Variants in WDR37 observed in about 807,000 individuals in gnomAD.
WDR37 encodes the protein WD repeat-containing protein 37.
Under a neutral mutation model 62.9 loss-of-function variants are expected in WDR37, and 19 were observed. That is an observed-to-expected ratio of 0.30 (90% CI 0.21 to 0.44). The LOEUF is 0.44. Among genes scored for constraint, WDR37 ranks in the 20% least tolerant of loss-of-function variants. The pLI, the probability that WDR37 is intolerant of heterozygous loss-of-function variation, is 1.00. For missense variants in WDR37, 474 were observed against 657.6 expected (o/e 0.72, Z 3.05); for synonymous variants, 250 against 260.9 (o/e 0.96, Z 0.40).
intron 11 of WDR37, among the ~76,000 whole-genome samples, chr10:1,110,453 A>G (rs1310311138): frequency 3.3e-5 from 5 of 152,372 alleles, no homozygotes; most frequent in African/African-American, 1.2e-4. Flanking sequence ...GGTTCGAGCC[A>G]ATACGACAAA....
intron 11 of WDR37, among the ~76,000 whole-genome samples, chr10:1,112,047 A>T (rs1404639785): frequency 6.6e-6 from 1 of 152,112 alleles, no homozygotes; most frequent in Non-Finnish European, 1.5e-5. Context: ...GACTGCAGGC[A>T]CGTGCCTTGG....
chr10:1,057,302 A>C (rs543238189), intron 1 of WDR37, among the ~76,000 whole-genome samples: 78 of 151,168 alleles, frequency 5.2e-4, no homozygotes, highest in Admixed American at 4.6e-3. Flanking sequence ...GTCGGAGTCC[A>C]GGAAGAGTCG....
chr10:1,096,692 G>A (rs1296195273), intron 9 of WDR37: 3 of 168,726 alleles, frequency 1.8e-5, no homozygotes, highest in Admixed American at 1.2e-4. Context: ...TTTCAGTACC[G>A]CGCGCAGAGC....
intron 2 of WDR37, among the ~76,000 whole-genome samples, chr10:1,077,363 T>G (rs1833908772): frequency 6.6e-6 from 1 of 152,338 alleles, no homozygotes; most frequent in African/African-American, 2.4e-5. Flanking sequence ...AATAGACATT[T>G]GGCTCTTTTT....
intron 1 of WDR37, among the ~76,000 whole-genome samples, chr10:1,061,482 A>G (rs72760935): frequency 0.061 from 9,305 of 152,190 alleles, 498 homozygotes; most frequent in African/African-American, 0.15. Context: ...TGTGACAGAC[A>G]GGTTGTAGTC....
intron 2 of WDR37, among the ~76,000 whole-genome samples, chr10:1,076,597 C>T (rs759360389): frequency 8.1e-4 from 121 of 149,836 alleles, no homozygotes; most frequent in African/African-American, 1.6e-3. Flanking sequence ...GAGAATGGCA[C>T]GAACCTGGGA....
At chr10:1,120,914 G>A (rs879561016) in intron 11 of WDR37, among the ~76,000 whole-genome samples, 1 of 152,238 alleles carries the variant, frequency 6.6e-6, no homozygotes, top group Admixed American at 6.5e-5. Context: ...CGGCGTTTCC[G>A]CTGATGGAGA....
At chr10:1,128,800 G>GCCGTGCTCGGCGGT (rs1236373900) in intron 13 of WDR37, among the ~76,000 whole-genome samples, 2 of 152,144 alleles carry the variant, frequency 1.3e-5, no homozygotes, top group Non-Finnish European at 2.9e-5. Flanking sequence ...TGGCGGCTCT[G>GCCGTGCTCGGCGGT]CCGTGCTCGG....
chr10:1,097,495 G>A (rs34034003), intron 9 of WDR37, among the ~76,000 whole-genome samples: 23,837 of 152,212 alleles, frequency 0.16, 2,033 homozygotes, highest in Non-Finnish European at 0.18. Flanking sequence ...AGAATGCCCC[G>A]AAGGTGATTC....
chr10:1,126,279 G>T (rs575612419), intron 13 of WDR37, among the ~76,000 whole-genome samples: 5 of 151,810 alleles, frequency 3.3e-5, no homozygotes, highest in Admixed American at 2.0e-4. Flanking sequence ...GGTGGCGGGC[G>T]TCTGTAGTCC....
In WDR37 at chr10:1,124,114, C is replaced by T. The variant is rs1835668050; in HGVS notation, c.1104-104C>T. On this transcript the variant is annotated intron_variant, in intron 11 of 13. Coordinates refer to ENST00000263150, the MANE Select transcript of WDR37 (RefSeq NM_014023.4). ...CAGAGGAGAGAGCTGTGAGTTTGCG[C>T]TTCTCCGACCTCCTTCCCACCCACT... 2.5e-5 allele frequency: 38 copies of T among 1,518,688 alleles called. No individual in the cohort carries two copies. In the South Asian group the frequency reaches 4.4e-4, roughly 17 times the overall value. 94.1% of individuals were successfully genotyped at this position (1,518,688 alleles called of 1,614,324 possible).
intron 2 of WDR37, 75 bp from the exon 3 acceptor site, chr10:1,077,832 C>A: frequency 9.4e-7 from 1 of 1,061,408 alleles, no homozygotes; most frequent in South Asian, 1.5e-5. Flanking sequence ...AAAGATAATT[C>A]ACTTTGGAAA....
chr10:1,108,339 G>GT (rs1835087415), intron 11 of WDR37, among the ~76,000 whole-genome samples: 1 of 152,108 alleles, frequency 6.6e-6, no homozygotes, highest in East Asian at 1.9e-4. Context: ...AGGATATTGA[G>GT]TTTTTTGGTG....
intron 11 of WDR37, among the ~76,000 whole-genome samples, chr10:1,106,923 G>A (rs1225738148): frequency 6.6e-6 from 1 of 152,214 alleles, no homozygotes; most frequent in Non-Finnish European, 1.5e-5. Context: ...AGATCTTTAT[G>A]GCAGCCTGGG....
chr10:1,125,066 G>C, intron 13 of WDR37, 42 bp downstream of exon 13: 1 of 1,605,924 alleles, frequency 6.2e-7, no homozygotes, highest in South Asian at 1.1e-5. Flanking sequence ...CACAGTGGAG[G>C]AGGACGGGTA....
chr10:1,064,252 G>C (rs1298456140), intron 1 of WDR37, among the ~76,000 whole-genome samples: 1 of 152,136 alleles, frequency 6.6e-6, no homozygotes, highest in African/African-American at 2.4e-5. Context: ...TACCCAATCT[G>C]AACAGCAGAG....
chr10:1,129,025 G>A (rs543152064), intron 13 of WDR37, among the ~76,000 whole-genome samples, 188 bp from the exon 14 acceptor site: 1 of 150,974 alleles, frequency 6.6e-6, no homozygotes, highest in African/African-American at 2.4e-5. Flanking sequence ...GCCCATGCAC[G>A]GTGGTCCATG....
At position 1,079,442 on chromosome 10, in the gene WDR37, G is replaced by A. The variant is rs60776568; in HGVS notation, c.236-569G>A. On this transcript the variant is annotated intron_variant, in intron 3 of 13. Transcript: ENST00000263150. ...CACTATGGAAACTATGTTGAAATGC[G>A]GGTGCTGTCTTTGAGACCCTGATAG... Among the ~76,000 whole-genome samples, 884 of 148,898 alleles carry A rather than the reference G, an allele frequency of 5.9e-3. 20 individuals carry two copies. Among genetic ancestry groups the A allele is most frequent in the African/African-American group, 0.021 (837 of 40,182 alleles).
At chr10:1,122,062 CG>C (rs1010238250) in intron 11 of WDR37, among the ~76,000 whole-genome samples, 3 of 152,028 alleles carry the variant, frequency 2.0e-5, no homozygotes, top group Non-Finnish European at 4.4e-5. Context: ...TTTGTGACTG[CG>C]TGGTGCTTCT....
Sources: gnomAD v4.1 joint callset for allele counts (sites outside exome capture counted in the v4.1 genomes callset) on GRCh38, gnomAD v4.1.1 for gene constraint, MANE v1.5 for transcripts, NCBI Gene and HGNC (gene_info 2026-07-23, HGNC 2026-07-21) for gene names.